The following GALNTL6 variants were observed in gnomAD, a reference collection of about 807,000 sequenced individuals.
GALNTL6 encodes polypeptide N-acetylgalactosaminyltransferase like 6, also known as polypeptide N-acetylgalactosaminyltransferase-like 6.
In GALNTL6, 46 loss-of-function variants were observed where a neutral mutation model predicts 73.7. That is an observed-to-expected ratio of 0.62 (90% CI 0.49 to 0.80). GALNTL6 has a LOEUF of 0.80. Among genes scored for constraint, GALNTL6 ranks in the 30% least tolerant of loss-of-function variants. GALNTL6 has a pLI of 0.00. For missense variants in GALNTL6, 604 were observed against 755.0 expected (o/e 0.80, Z 2.34); for synonymous variants, 259 against 263.7 (o/e 0.98, Z 0.17).
Position 172,239,929 on chromosome 4 carries a change from C to T in GALNTL6, c.247+10165C>T, listed in dbSNP as rs116973874. ...TATAAGGTTTCTGCTGAAAGGTCTG[C>T]TTTTAGCCTGCTAGAGCTCCACTTG... is the stretch of plus-strand genomic sequence containing the variant. On this transcript the variant is annotated intron_variant, in intron 3 of 12. Coordinates refer to ENST00000506823, the MANE Select transcript of GALNTL6 (RefSeq NM_001034845.3). 1.1e-3 allele frequency among the ~76,000 whole-genome samples: 174 copies of T among 152,272 alleles called. 2 individuals carry two copies. The East Asian group carries it at 0.031, about 27-fold the overall frequency.
chr4:171,939,875 C>T (rs1168723373), intron 2 of GALNTL6, among the ~76,000 whole-genome samples: 1 of 151,932 alleles, frequency 6.6e-6, no homozygotes, highest in African/African-American at 2.4e-5. Flanking sequence ...AAACAATAAA[C>T]AGACAAAAGT....
At chr4:172,122,452 G>A (rs1286146168) in intron 2 of GALNTL6, among the ~76,000 whole-genome samples, 1 of 152,122 alleles carries the variant, frequency 6.6e-6, no homozygotes, top group Non-Finnish European at 1.5e-5. Context: ...TGAACTTTCT[G>A]TGTGACCCAT....
rs151327586 is a variant in GALNTL6 at position 171,940,962 on chromosome 4, G to C, written c.138+126244G>C. Among the ~76,000 whole-genome samples the C allele has an allele frequency of 2.6e-4, 39 of 151,642 alleles. No homozygotes were observed. The East Asian group carries it at 6.2e-3, about 24-fold the overall frequency. ...AGGTTTTAAAATAATGTGAAGAATCGAGAAAATTAGTGATTGATGGGAGTG... is the reference window on the plus strand; with the variant it reads ...AGGTTTTAAAATAATGTGAAGAATCCAGAAAATTAGTGATTGATGGGAGTG... On this transcript the variant is annotated intron_variant, in intron 2 of 12. Transcript: ENST00000506823.
At chr4:172,692,545 T>A (rs1464698260) in intron 5 of GALNTL6, among the ~76,000 whole-genome samples, 1 of 152,200 alleles carries the variant, frequency 6.6e-6, no homozygotes, top group Non-Finnish European at 1.5e-5. Flanking sequence ...AAATTATATG[T>A]CATTGTTTAA....
intron 11 of GALNTL6, among the ~76,000 whole-genome samples, chr4:173,017,235 A>T (rs942737446): frequency 6.6e-6 from 1 of 152,220 alleles, no homozygotes; most frequent in African/African-American, 2.4e-5. Context: ...TTAAAGGATC[A>T]TTCAAAAGAA....
At chr4:172,283,253 G>A (rs1160832326) in intron 3 of GALNTL6, among the ~76,000 whole-genome samples, 4 of 152,122 alleles carry the variant, frequency 2.6e-5, no homozygotes, top group African/African-American at 9.7e-5. Context: ...TAGTAAAGAT[G>A]TTAAAAGAAA....
chr4:172,226,760 T>G (rs1736882215), intron 2 of GALNTL6, among the ~76,000 whole-genome samples: 1 of 152,146 alleles, frequency 6.6e-6, no homozygotes, highest in South Asian at 2.1e-4. Context: ...TTTGTTTGTT[T>G]TTCTGTTTCT....
At chr4:172,189,188 T>A (rs1735499648) in intron 2 of GALNTL6, among the ~76,000 whole-genome samples, 2 of 152,118 alleles carry the variant, frequency 1.3e-5, no homozygotes, top group African/African-American at 4.8e-5. Context: ...TATGAATGCC[T>A]TAGAGATAAG....
rs368906875 is a variant in GALNTL6 at position 172,253,774 on chromosome 4, A to G, written c.247+24010A>G. Among the ~76,000 whole-genome samples, 24 of 152,092 alleles carry G rather than the reference A, an allele frequency of 1.6e-4. No homozygotes were observed. The South Asian group carries it at 4.6e-3, about 29-fold the overall frequency. On this transcript the variant is annotated intron_variant, in intron 3 of 12. Coordinates refer to ENST00000506823, the MANE Select transcript of GALNTL6 (RefSeq NM_001034845.3). ...TTCAAATATGTCATTTTCATGAAGCATAGTTATCAATGAAATACATGTCAC... is the reference window on the plus strand; with the variant it reads ...TTCAAATATGTCATTTTCATGAAGCGTAGTTATCAATGAAATACATGTCAC...
chr4:173,016,907 G>A (rs1402031536), intron 11 of GALNTL6, among the ~76,000 whole-genome samples: 1 of 152,180 alleles, frequency 6.6e-6, no homozygotes, highest in Admixed American at 6.5e-5. Context: ...TGTTGTGGGA[G>A]GGACCCAGTG....
chr4:172,315,865 T>C (rs1740526084), intron 4 of GALNTL6, among the ~76,000 whole-genome samples: 1 of 152,128 alleles, frequency 6.6e-6, no homozygotes, highest in African/African-American at 2.4e-5. Context: ...ACCTGAGATG[T>C]CACATATATT....
chr4:172,988,439 G>C (rs568701314), intron 10 of GALNTL6, among the ~76,000 whole-genome samples: 1 of 152,310 alleles, frequency 6.6e-6, no homozygotes, highest in South Asian at 2.1e-4. Flanking sequence ...TGAGAAAAGA[G>C]ATTATCTCAA....
At chr4:172,861,987 A>G (rs1744417781) in intron 7 of GALNTL6, among the ~76,000 whole-genome samples, 1 of 152,220 alleles carries the variant, frequency 6.6e-6, no homozygotes, top group Non-Finnish European at 1.5e-5. Flanking sequence ...TTCTGAAAAG[A>G]GGCCCCAAAA....
intron 2 of GALNTL6, among the ~76,000 whole-genome samples, chr4:172,120,453 C>T (rs941594979): frequency 6.6e-5 from 10 of 152,194 alleles, no homozygotes; most frequent in African/African-American, 2.4e-4. Flanking sequence ...AGCCTTTATC[C>T]CTTTTTTTTC....
At chr4:172,726,812 CAT>C (rs1735842525) in intron 5 of GALNTL6, among the ~76,000 whole-genome samples, 1 of 152,152 alleles carries the variant, frequency 6.6e-6, no homozygotes, top group Non-Finnish European at 1.5e-5. Context: ...GTTGTCAGAA[CAT>C]GTTTCTTACC....
chr4:172,263,407 A>AT (rs539420501), intron 3 of GALNTL6, among the ~76,000 whole-genome samples: 4 of 151,274 alleles, frequency 2.6e-5, no homozygotes, highest in Non-Finnish European at 5.9e-5. Flanking sequence ...GTTCTGGTCT[A>AT]TTTTTTAAAC....
chr4:172,345,817 C>T (rs1741720066), intron 4 of GALNTL6, among the ~76,000 whole-genome samples: 1 of 152,116 alleles, frequency 6.6e-6, no homozygotes, highest in African/African-American at 2.4e-5. Flanking sequence ...GGGAAAGTAG[C>T]CAGTAAAAGA....
At chr4:171,953,263 T>TGTGTGC (rs945246831) in intron 2 of GALNTL6, among the ~76,000 whole-genome samples, 1 of 138,472 alleles carries the variant, frequency 7.2e-6, no homozygotes, top group East Asian at 2.1e-4. Flanking sequence ...TGTGTGTGTG[T>TGTGTGC]GTAAGAAAAA....
chr4:172,879,599 T>C (rs1052342803), intron 7 of GALNTL6, among the ~76,000 whole-genome samples: 28 of 151,926 alleles, frequency 1.8e-4, no homozygotes, highest in Admixed American at 1.6e-3. Context: ...TGATGTATTC[T>C]TATATTTGTA....
Sources: gnomAD v4.1 joint callset for allele counts (sites outside exome capture counted in the v4.1 genomes callset) on GRCh38, gnomAD v4.1.1 for gene constraint, MANE v1.5 for transcripts, NCBI Gene and HGNC (gene_info 2026-07-23, HGNC 2026-07-21) for gene names.